Variants in MACIR observed in about 807,000 individuals in gnomAD.
MACIR encodes the protein UNC119-binding protein C5orf30.
In MACIR, 4 loss-of-function variants were observed where a neutral mutation model predicts 14.3. The ratio of observed to expected loss-of-function variants is 0.28; its 90% CI spans 0.14 to 0.64. The LOEUF (loss-of-function observed/expected upper bound fraction) is 0.64, where lower values mean the gene tolerates loss of function less well. Ranked by LOEUF, MACIR falls within the 30% of genes least tolerant of loss-of-function variation. The pLI, the probability that MACIR is intolerant of heterozygous loss-of-function variation, is 0.83. For missense variants in MACIR, 228 were observed against 257.6 expected (o/e 0.89, Z 0.79); for synonymous variants, 101 against 102.4 (o/e 0.99, Z 0.08).
intron 1 of MACIR, chr5:103,259,167 C>T (rs1804565283): frequency 1.3e-5 from 2 of 152,208 alleles, no homozygotes; most frequent in African/African-American, 2.4e-5. Context: ...TCCCAGGCAC[C>T]CGAAGGGGAC....
rs1805350654 is a variant in MACIR, at chr5:103,276,720, G to GC, written c.*180_*181insC. The stretch of plus-strand genomic sequence containing the variant: ...CAGGAATGAAATCACAGGTACTTGG[G>GC]GGGGGGATATCATTCTAGAGCACGC... On this transcript the variant is annotated 3_prime_UTR_variant, in exon 3 of 3. Transcript: ENST00000319933. 2 of 517,624 alleles carry GC rather than the reference G, an allele frequency of 3.9e-6. No homozygotes were observed. Among genetic ancestry groups the GC allele is most frequent in the Admixed American group, 7.4e-5 (2 of 27,102 alleles). 32.1% of individuals were successfully genotyped at this position (517,624 alleles called of 1,614,324 possible).
intron 2 of MACIR, among the ~76,000 whole-genome samples, chr5:103,268,117 T>C (rs1190046850): frequency 6.6e-6 from 1 of 152,230 alleles, no homozygotes; most frequent in Admixed American, 6.5e-5. Flanking sequence ...GTTTCGGTGT[T>C]TGTGAATGAA....
chr5:103,276,086 T>G lies in MACIR; in HGVS notation c.167T>G (p.Met56Arg). The G allele has an allele frequency of 6.2e-7, 1 of 1,614,094 alleles. No homozygotes were observed. Among genetic ancestry groups the G allele is most frequent in the Non-Finnish European group, 8.5e-7 (1 of 1,180,032 alleles). The change falls in exon 3 of 3, where the codon ATG becomes AGG. Residue 56 changes from methionine (M) to arginine (R), a missense_variant. By Grantham distance (91) the Met-to-Arg change is moderately conservative (BLOSUM62 -1). Transcript: ENST00000319933. Reference protein sequence around the residue: ...RTVSGYQILHMDSNYLVGFTT... With the variant: ...RTVSGYQILHRDSNYLVGFTT... Reference sequence around the variant, plus strand: ...GTGTCAGGCTACCAGATCCTACACATGGACTCTAACTATTTGGTTGGCTTC... The same window carrying G: ...GTGTCAGGCTACCAGATCCTACACAGGGACTCTAACTATTTGGTTGGCTTC...
chr5:103,272,149 A>T (rs1805155492), intron 2 of MACIR, among the ~76,000 whole-genome samples: 1 of 152,154 alleles, frequency 6.6e-6, no homozygotes. Context: ...TCATGCATAG[A>T]CTTATTAAAA....
intron 2 of MACIR, among the ~76,000 whole-genome samples, chr5:103,275,290 G>C (rs1381293545): frequency 1.3e-5 from 2 of 152,114 alleles, no homozygotes; most frequent in African/African-American, 4.8e-5. Flanking sequence ...ACAAGGTTTG[G>C]GGGAACCTTC....
chr5:103,258,637 G>C (rs979509594), upstream of MACIR: 1 of 153,150 alleles, frequency 6.5e-6, no homozygotes, highest in African/African-American at 2.4e-5. Context: ...GCTCAGCGCT[G>C]ACGGGCTGCG....
chr5:103,273,754 C>T (rs1428267753), intron 2 of MACIR, among the ~76,000 whole-genome samples: 2 of 152,190 alleles, frequency 1.3e-5, no homozygotes, highest in Non-Finnish European at 2.9e-5. Flanking sequence ...TTTAGCCTCA[C>T]CTCTGTATGA....
At chr5:103,263,928 A>G (rs1804830184) in intron 1 of MACIR, among the ~76,000 whole-genome samples, 2 of 152,142 alleles carry the variant, frequency 1.3e-5, no homozygotes, top group African/African-American at 2.4e-5. Context: ...AGAGTCCATG[A>G]TTCAGAAGGA....
chr5:103,261,670 C>CTTTTCT (rs1257263421), intron 1 of MACIR, among the ~76,000 whole-genome samples: 1 of 124,952 alleles, frequency 8.0e-6, no homozygotes, highest in African/African-American at 3.2e-5. Context: ...TTCTTTCTTT[C>CTTTTCT]TTTCTTTCTT....
intron 1 of MACIR, among the ~76,000 whole-genome samples, chr5:103,262,570 G>C (rs1434716784): frequency 6.6e-6 from 1 of 152,138 alleles, no homozygotes; most frequent in Non-Finnish European, 1.5e-5. Flanking sequence ...CGATACATTT[G>C]GTAGTTAATG....
At chr5:103,268,789 G>C (rs558609957) in intron 2 of MACIR, among the ~76,000 whole-genome samples, 1 of 152,048 alleles carries the variant, frequency 6.6e-6, no homozygotes, top group Non-Finnish European at 1.5e-5. Context: ...GAGCCAGGGG[G>C]CCTGGGTTGT....
chr5:103,260,067 GTGTGTGTGTT>G (rs1287553940), intron 1 of MACIR, among the ~76,000 whole-genome samples: 1 of 88,222 alleles, frequency 1.1e-5, no homozygotes, highest in East Asian at 3.6e-4. Context: ...GTGTGTGTGT[GTGTGTGTGTT>G]TGTGTGTGTG....
In MACIR at chr5:103,276,317, CAGG is replaced by C. The variant is rs1554237717; in HGVS notation, c.401_403del (p.Gly134del). On this transcript the variant is annotated inframe_deletion, in exon 3 of 3. Transcript: ENST00000319933. ...AGGAGGCGAAGGCGGATGCCAAGCT[CAGG>C]AGACAAGTGCACTAAATCTTTACCT... The C allele has an allele frequency of 3.0e-5, 49 of 1,612,786 alleles. No individual in the cohort carries two copies. Among genetic ancestry groups the C allele is most frequent in the Non-Finnish European group, 4.0e-5 (47 of 1,179,872 alleles).
At chr5:103,259,454 A>C (rs1370200169) in intron 1 of MACIR, 8 of 152,128 alleles carry the variant, frequency 5.3e-5, no homozygotes, top group Non-Finnish European at 1.2e-4. Context: ...ACCGCGGGGC[A>C]GCGGGCCTGG....
At chr5:103,270,309 C>T (rs1805079760) in intron 2 of MACIR, among the ~76,000 whole-genome samples, 1 of 152,090 alleles carries the variant, frequency 6.6e-6, no homozygotes, top group African/African-American at 2.4e-5. Flanking sequence ...CTGGAATTTC[C>T]TGCAGAAATA....
upstream of MACIR, among the ~76,000 whole-genome samples, chr5:103,258,482 A>G (rs1444887332): frequency 6.6e-6 from 1 of 152,120 alleles, no homozygotes; most frequent in East Asian, 1.9e-4. Flanking sequence ...TTTAGACTAG[A>G]GAGCGGGTGT....
chr5:103,262,895 A>C (rs1804778731), intron 1 of MACIR, among the ~76,000 whole-genome samples: 3 of 152,278 alleles, frequency 2.0e-5, no homozygotes. Context: ...TTGGAGAGGA[A>C]ATCTGTTGAT....
chr5:103,262,303 GA>G (rs66526293), intron 1 of MACIR, among the ~76,000 whole-genome samples: 130,800 of 152,132 alleles, frequency 0.86, 56,706 homozygotes, highest in African/African-American at 0.96. Context: ...TACACCCGAA[GA>G]AAGAACTCAG....
At chr5:103,258,594 TC>T (rs1355015805), upstream of MACIR, 3 of 152,322 alleles carry the variant, frequency 2.0e-5, no homozygotes, top group Admixed American at 1.3e-4. Flanking sequence ...CCGCCCTTCC[TC>T]CGGGTGTCTG....
Sources: gnomAD v4.1 joint callset for allele counts (sites outside exome capture counted in the v4.1 genomes callset) on GRCh38, gnomAD v4.1.1 for gene constraint, MANE v1.5 for transcripts, NCBI Gene and HGNC (gene_info 2026-07-23, HGNC 2026-07-21) for gene names.